Variants in SLC26A7 observed in about 807,000 individuals in gnomAD.
SLC26A7 encodes the protein anion exchange transporter.
Under a neutral mutation model 82.5 loss-of-function variants are expected in SLC26A7, and 59 were observed. That is an observed-to-expected ratio of 0.72 (90% CI 0.58 to 0.89). The LOEUF is 0.89. Among genes scored for constraint, SLC26A7 ranks in the 40% least tolerant of loss-of-function variants. The pLI is 0.00. For missense variants in SLC26A7, 820 were observed against 793.0 expected (o/e 1.03, Z -0.41); for synonymous variants, 271 against 274.3 (o/e 0.99, Z 0.12).
intron 1 of SLC26A7, among the ~76,000 whole-genome samples, chr8:91,211,541 G>A (rs1042021534): frequency 2.0e-5 from 3 of 148,860 alleles, no homozygotes; most frequent in African/African-American, 7.4e-5. Flanking sequence ...CACTGGTAAG[G>A]AATTGCTTTT....
intron 5 of SLC26A7, among the ~76,000 whole-genome samples, chr8:91,322,948 A>G (rs80353733): frequency 0.028 from 4,261 of 152,312 alleles, 179 homozygotes; most frequent in African/African-American, 0.096. Context: ...AAGAATGTTA[A>G]TAAAATGGGA....
intron 15 of SLC26A7, among the ~76,000 whole-genome samples, chr8:91,386,751 T>C (rs964866424): frequency 4.6e-5 from 7 of 152,204 alleles, no homozygotes; most frequent in African/African-American, 1.2e-4. Context: ...ATTTCTACTA[T>C]CACTGATTTT....
At chr8:91,295,742 C>G (rs371489224) in intron 4 of SLC26A7, 39 bp downstream of exon 4, 1 of 1,588,354 alleles carries the variant, frequency 6.3e-7, no homozygotes, top group Non-Finnish European at 8.6e-7. Flanking sequence ...GAAAGGGACA[C>G]AGCGGCACAG....
In SLC26A7 at chr8:91,366,182, C is replaced by G. The variant is rs1287768388; in HGVS notation, c.1489-398C>G. Among the ~76,000 whole-genome samples the G allele has an allele frequency of 2.6e-5, 4 of 151,932 alleles. No homozygotes were observed. The East Asian group carries it at 7.7e-4, about 29-fold the overall frequency. ...ATGAAGCAAATGACTCATGGTTGAC[C>G]CTTTATAACACATTTTCATTAAAAA... On this transcript the variant is annotated intron_variant, in intron 13 of 18. Transcript: ENST00000276609.
At chr8:91,378,818 C>A (rs188245064) in intron 15 of SLC26A7, among the ~76,000 whole-genome samples, 1 of 151,498 alleles carries the variant, frequency 6.6e-6, no homozygotes, top group South Asian at 2.1e-4. Context: ...AAATTTACAA[C>A]AAAAATATAA....
At chr8:91,218,822 A>T in intron 1 of SLC26A7, 1 of 982,948 alleles carries the variant, frequency 1.0e-6, no homozygotes, top group Non-Finnish European at 1.5e-6. Context: ...GAGAAAGCAA[A>T]TATTTATTTT....
intron 14 of SLC26A7, 38 bp downstream of exon 14, chr8:91,366,755 G>A (rs1240936261): frequency 3.1e-6 from 5 of 1,588,994 alleles, no homozygotes; most frequent in Non-Finnish European, 8.5e-7. Context: ...CATACTACAT[G>A]TAGCCTTATA....
At chr8:91,253,384 AAGT>A (rs1391673747) in intron 2 of SLC26A7, among the ~76,000 whole-genome samples, 5 of 152,014 alleles carry the variant, frequency 3.3e-5, no homozygotes, top group Non-Finnish European at 7.4e-5. Flanking sequence ...CATTTTAACT[AAGT>A]AGTCTTGTTT....
intron 15 of SLC26A7, among the ~76,000 whole-genome samples, chr8:91,384,599 C>T (rs1814749288): frequency 6.6e-6 from 1 of 152,264 alleles, no homozygotes; most frequent in South Asian, 2.1e-4. Context: ...CATCTCCAGC[C>T]CTCATCACAC....
intron 13 of SLC26A7, among the ~76,000 whole-genome samples, chr8:91,365,109 C>G (rs894218546): frequency 3.3e-5 from 5 of 152,006 alleles, no homozygotes; most frequent in Non-Finnish European, 5.9e-5. Flanking sequence ...GAATTCAACC[C>G]CACTGATAAT....
chr8:91,225,405 G>T (rs1196320759), intron 2 of SLC26A7, among the ~76,000 whole-genome samples: 1 of 151,972 alleles, frequency 6.6e-6, no homozygotes, highest in Non-Finnish European at 1.5e-5. Context: ...CCCTTCTCTG[G>T]TGGGAGGGGA....
intron 4 of SLC26A7, among the ~76,000 whole-genome samples, chr8:91,314,653 A>G (rs1259668914): frequency 1.3e-5 from 2 of 152,146 alleles, no homozygotes; most frequent in East Asian, 3.9e-4. Flanking sequence ...CATCCTTCAT[A>G]TGCCCAGTGG....
chr8:91,343,264 A>G, intron 8 of SLC26A7, 89 bp from the exon 9 acceptor site: 2 of 796,236 alleles, frequency 2.5e-6, no homozygotes, highest in Admixed American at 2.3e-5. Context: ...CTGAATACAA[A>G]CAAGCCTCAT....
At chr8:91,228,206 A>T (rs1263660248) in intron 2 of SLC26A7, among the ~76,000 whole-genome samples, 1 of 152,232 alleles carries the variant, frequency 6.6e-6, no homozygotes, top group Admixed American at 6.5e-5. Context: ...GTGATGGGAG[A>T]CATGTGCCTT....
At chr8:91,270,070 T>C (rs967139389) in intron 2 of SLC26A7, among the ~76,000 whole-genome samples, 7 of 152,186 alleles carry the variant, frequency 4.6e-5, no homozygotes, top group African/African-American at 1.7e-4. Context: ...AGCCATTTCA[T>C]AGATTGTCAA....
At chr8:91,361,732 G>A (rs760444147) in intron 11 of SLC26A7, among the ~76,000 whole-genome samples, 12 of 152,148 alleles carry the variant, frequency 7.9e-5, no homozygotes, top group African/African-American at 2.2e-4. Flanking sequence ...TTAGAGCTTC[G>A]TGTAATCTTT....
chr8:91,228,389 G>A (rs575916958), intron 2 of SLC26A7, among the ~76,000 whole-genome samples: 2 of 152,286 alleles, frequency 1.3e-5, no homozygotes, highest in African/African-American at 2.4e-5. Context: ...GGCCATCCAC[G>A]GGCAGCTGAG....
At chr8:91,295,336 G>A (rs534218637) in intron 3 of SLC26A7, among the ~76,000 whole-genome samples, 195 bp from the exon 4 acceptor site, 1 of 152,314 alleles carries the variant, frequency 6.6e-6, no homozygotes, top group South Asian at 2.1e-4. Context: ...GAATGAATAA[G>A]CATATATGGA....
At chr8:91,282,463 G>A (rs1200905052) in intron 2 of SLC26A7, among the ~76,000 whole-genome samples, 1 of 152,084 alleles carries the variant, frequency 6.6e-6, no homozygotes, top group South Asian at 2.1e-4. Flanking sequence ...CCTAATCAAT[G>A]GCAAAATCCT....
Sources: allele counts gnomAD v4.1 joint callset (sites outside exome capture counted in the v4.1 genomes callset), GRCh38; gene constraint gnomAD v4.1.1; transcripts MANE v1.5; gene names NCBI Gene and HGNC (gene_info 2026-07-23, HGNC 2026-07-21).